Variants in CAMK1G observed in about 807,000 individuals in gnomAD.
The protein encoded by CAMK1G is calcium/calmodulin-dependent protein kinase type 1G.
CAMK1G carries 27 observed loss-of-function variants against 54.8 expected under a neutral mutation model. The ratio of observed to expected loss-of-function variants is 0.49; its 90% CI spans 0.36 to 0.68. The LOEUF is 0.68. Among genes scored for constraint, CAMK1G ranks in the 30% least tolerant of loss-of-function variants. The probability of loss-of-function intolerance (pLI) is 0.00; values close to 1 mark genes in which losing one functional copy is unlikely to be tolerated. For missense variants in CAMK1G, 512 were observed against 591.0 expected, an observed-to-expected ratio of 0.87 and a Z score of 1.39; for synonymous variants, 238 against 224.9, an observed-to-expected ratio of 1.06 and a Z score of -0.52.
intron 3 of CAMK1G, 137 bp from the exon 4 acceptor site, chr1:209,603,077 T>C (rs1665567714): frequency 4.2e-6 from 3 of 718,928 alleles, no homozygotes; most frequent in Non-Finnish European, 7.1e-6. Context: ...CTACTTATTA[T>C]GAAGGCTTCA....
intron 6 of CAMK1G, among the ~76,000 whole-genome samples, 178 bp downstream of exon 6, chr1:209,606,621 C>T (rs1665656452): frequency 6.6e-6 from 1 of 152,220 alleles, no homozygotes; most frequent in Non-Finnish European, 1.5e-5. Context: ...TCTATCTCTA[C>T]TGCTCCCAAA....
intron 3 of CAMK1G, among the ~76,000 whole-genome samples, chr1:209,602,953 G>A (rs1367802298): frequency 1.3e-5 from 2 of 152,100 alleles, no homozygotes; most frequent in Admixed American, 6.5e-5. Flanking sequence ...AGAGATTCCT[G>A]GCATAACAAG....
intron 1 of CAMK1G, among the ~76,000 whole-genome samples, chr1:209,591,086 C>T (rs547658052): frequency 6.6e-6 from 1 of 151,866 alleles, no homozygotes; most frequent in Non-Finnish European, 1.5e-5. Context: ...AGATATCCCC[C>T]GACTCTTATA....
intron 7 of CAMK1G, 97 bp from the exon 8 acceptor site, chr1:209,608,883 C>T (rs1220194178): frequency 2.9e-5 from 44 of 1,536,192 alleles, no homozygotes; most frequent in Admixed American, 7.6e-5. Context: ...CCTTCAGTGC[C>T]CACCTGTGTA....
chr1:209,605,712 G>A (rs776372411), intron 5 of CAMK1G, 38 bp downstream of exon 5: 1 of 1,595,408 alleles, frequency 6.3e-7, no homozygotes, highest in Non-Finnish European at 8.5e-7. Flanking sequence ...AACAGATAAT[G>A]ACCCTTAAGG....
rs1665794012 is a variant in CAMK1G, at chr1:209,612,024, C to T, written c.1148C>T (p.Ala383Val). 2 of 1,614,130 alleles carry T rather than the reference C, an allele frequency of 1.2e-6. No homozygotes were observed. Among genetic ancestry groups the T allele is most frequent in the African/African-American group, 1.3e-5 (1 of 74,950 alleles). ...LPCQHGRRPT[A>V]PGGRSLNCLV... ...TGCCAGCATGGCCGCCGGCCCACTGCCCCTGGTGGCAGGTCCCTCAACTGC... is the reference window on the plus strand; with the variant it reads ...TGCCAGCATGGCCGCCGGCCCACTGTCCCTGGTGGCAGGTCCCTCAACTGC... Residue 383 changes from alanine (A) to valine (V), a missense_variant, in exon 11 of 13, where the codon GCC (alanine) becomes GTC (valine). Ala to Val is a moderately conservative substitution (Grantham distance 64). Transcript: ENST00000361322.
rs1665345981 is a variant in CAMK1G at position 209,595,076 on chromosome 1, G to GT, written c.92+2dup. ...TCATTTTTATGGAAGTGCTGGGATC[G>GT]TAAGTCCTGGGGCTGTGAGGTCGGG... is the stretch of plus-strand genomic sequence containing the variant. On this transcript the variant is annotated splice_donor_variant, in intron 2 of 12. Coordinates refer to ENST00000361322, the MANE Select transcript of CAMK1G (RefSeq NM_020439.3). LOFTEE classifies it high-confidence loss of function. 6.2e-7 allele frequency: 1 copy of GT among 1,612,638 alleles called. No homozygotes were observed. The highest frequency in any genetic ancestry group is 8.5e-7 in the Non-Finnish European group (1 of 1,178,714).
intron 8 of CAMK1G, 141 bp downstream of exon 8, chr1:209,609,233 A>T: frequency 1.0e-6 from 1 of 955,776 alleles, no homozygotes; most frequent in Non-Finnish European, 1.6e-6. Context: ...GAAAGTGGAG[A>T]AATCTTCGTC....
rs189398050 is a variant in CAMK1G, at chr1:209,604,113, A to G, written c.296+825A>G. ...CTCTGCAATCTCAGCGTGGCTGGAC[A>G]CAACGTGGTTTTTGGCTGATGGGCT... On this transcript the variant is annotated intron_variant, in intron 4 of 12. Transcript: ENST00000361322. 3.9e-5 allele frequency among the ~76,000 whole-genome samples: 6 copies of G among 152,362 alleles called. No homozygotes were observed. In the East Asian group the frequency reaches 1.2e-3, roughly 29 times the overall value.
chr1:209,605,106 T>C (rs949480973), intron 4 of CAMK1G, among the ~76,000 whole-genome samples: 2 of 152,200 alleles, frequency 1.3e-5, no homozygotes, highest in Admixed American at 1.3e-4. Context: ...GAAATCTTGA[T>C]ATAAGTACGG....
rs1328950514 is a variant in CAMK1G, at chr1:209,583,763, G to C, written c.-39G>C. ...TGGGAGCTCAAGCAGGATTCTTCCC[G>C]AGTCCCTGGGTAAGACAACCCTGCT... On this transcript the variant is annotated 5_prime_UTR_variant, in exon 1 of 13. Transcript: ENST00000361322. The C allele has an allele frequency of 6.6e-6, 1 of 152,194 alleles. No homozygotes were observed. Among genetic ancestry groups the C allele is most frequent in the East Asian group, 1.9e-4 (1 of 5,190 alleles). 9.4% of individuals were successfully genotyped at this position (152,194 alleles called of 1,614,324 possible).
chr1:209,587,452 C>T (rs1233315364), intron 1 of CAMK1G, among the ~76,000 whole-genome samples: 1 of 152,052 alleles, frequency 6.6e-6, no homozygotes, highest in African/African-American at 2.4e-5. Context: ...TTGGGAAATG[C>T]CAGATTAAAC....
At chr1:209,602,596 T>C (rs902268769) in intron 3 of CAMK1G, among the ~76,000 whole-genome samples, 3 of 152,206 alleles carry the variant, frequency 2.0e-5, no homozygotes, top group Non-Finnish European at 4.4e-5. Context: ...GCTGACCTCA[T>C]GTGACAGGTC....
At chr1:209,604,405 C>A (rs1348833023) in intron 4 of CAMK1G, among the ~76,000 whole-genome samples, 1 of 152,196 alleles carries the variant, frequency 6.6e-6, no homozygotes, top group Non-Finnish European at 1.5e-5. Flanking sequence ...CTCCTCAGAG[C>A]ATAGCTCCAG....
intron 1 of CAMK1G, among the ~76,000 whole-genome samples, chr1:209,584,996 T>A (rs916208805): frequency 6.6e-6 from 1 of 152,212 alleles, no homozygotes; most frequent in Admixed American, 6.5e-5. Context: ...TCCCCTTTAG[T>A]ATAGATGAGA....
intron 3 of CAMK1G, among the ~76,000 whole-genome samples, chr1:209,600,862 A>C (rs527580887): frequency 5.9e-5 from 9 of 152,362 alleles, no homozygotes; most frequent in African/African-American, 2.2e-4. Flanking sequence ...GCAATGCAGA[A>C]AGGGAATTCA....
intron 2 of CAMK1G, 118 bp downstream of exon 2, chr1:209,595,193 C>A: frequency 1.4e-6 from 1 of 725,100 alleles, no homozygotes; most frequent in South Asian, 1.7e-5. Flanking sequence ...GACTTCATTT[C>A]GATTTATTTA....
intron 3 of CAMK1G, 53 bp downstream of exon 3, chr1:209,600,164 C>A: frequency 1.9e-6 from 3 of 1,584,204 alleles, no homozygotes; most frequent in East Asian, 4.5e-5. Context: ...ACATTTTCTT[C>A]ACAAATTACC....
intron 2 of CAMK1G, among the ~76,000 whole-genome samples, chr1:209,596,661 C>CACA (rs1456597721): frequency 1.3e-4 from 19 of 148,102 alleles, no homozygotes; most frequent in Non-Finnish European, 2.4e-4. Context: ...CACACACACA[C>CACA]CACACACACA....
Sources: allele counts gnomAD v4.1 joint callset (sites outside exome capture counted in the v4.1 genomes callset), GRCh38; gene constraint gnomAD v4.1.1; transcripts MANE v1.5; gene names NCBI Gene and HGNC (gene_info 2026-07-23, HGNC 2026-07-21).